The following XYLT1 variants were observed in gnomAD, a reference collection of about 807,000 sequenced individuals.
XYLT1 encodes the protein xylosyltransferase 1, also known as beta-D-xylosyltransferase 1.
A neutral mutation model predicts 91.3 loss-of-function variants in XYLT1; 36 were observed. That is an observed-to-expected ratio of 0.39 (90% CI 0.30 to 0.52). The LOEUF is 0.52. Among genes scored for constraint, XYLT1 ranks in the 20% least tolerant of loss-of-function variants. The pLI, the probability that XYLT1 is intolerant of heterozygous loss-of-function variation, is 0.68. For synonymous variants in XYLT1, 588 were observed against 532.0 expected, an observed-to-expected ratio of 1.11 and a Z score of -1.45; for missense variants, 1,242 against 1,284.5, an observed-to-expected ratio of 0.97 and a Z score of 0.51.
intron 1 of XYLT1, among the ~76,000 whole-genome samples, chr16:17,372,720 G>A (rs1342500043): frequency 6.6e-6 from 1 of 152,186 alleles, no homozygotes; most frequent in African/African-American, 2.4e-5. Flanking sequence ...GAGTCTCTGT[G>A]TACAAATGCC....
At chr16:17,200,845 G>T (rs897086341) in intron 3 of XYLT1, among the ~76,000 whole-genome samples, 191 bp from the exon 4 acceptor site, 6 of 152,176 alleles carry the variant, frequency 3.9e-5, no homozygotes, top group Non-Finnish European at 8.8e-5. Flanking sequence ...AAAGGGGTTA[G>T]GGGACCCTGG....
intron 1 of XYLT1, among the ~76,000 whole-genome samples, chr16:17,361,816 G>A (rs1411338595): frequency 6.6e-6 from 1 of 152,116 alleles, no homozygotes; most frequent in Non-Finnish European, 1.5e-5. Flanking sequence ...TCTTAACTTT[G>A]TCCTATGGGC....
Position 17,138,400 on chromosome 16 carries a change from G to T in XYLT1, c.1719C>A (p.Gly573=), listed in dbSNP as rs763895341. ...CQYKHIVDWC[G]CSPNDFKPQD... ...GCGGCTTGAAGTCATTGGGGGAGCA[G>T]CCGCACCAGTCCACGATGTGCTTGT... The change falls in exon 8 of 12, where the codon GGC becomes GGA. Residue 573 remains glycine (G), a synonymous_variant. Transcript: ENST00000261381. The T allele has an allele frequency of 1.9e-6, 3 of 1,614,108 alleles. No homozygotes were observed. The highest frequency in any genetic ancestry group is 2.2e-5 in the South Asian group (2 of 91,070).
At chr16:17,173,054 C>CAAAAA (rs1555485154) in intron 5 of XYLT1, among the ~76,000 whole-genome samples, 1 of 151,706 alleles carries the variant, frequency 6.6e-6, no homozygotes, top group African/African-American at 2.4e-5. Flanking sequence ...AACAAACAAA[C>CAAAAA]AAAAAAAACC....
intron 6 of XYLT1, among the ~76,000 whole-genome samples, chr16:17,150,298 T>C (rs570407470): frequency 1.3e-5 from 2 of 152,328 alleles, no homozygotes; most frequent in South Asian, 4.1e-4. Flanking sequence ...TCAATTGTTA[T>C]TCCTCTATCC....
chr16:17,288,421 C>G (rs1195437869), intron 2 of XYLT1, among the ~76,000 whole-genome samples: 1 of 152,054 alleles, frequency 6.6e-6, no homozygotes, highest in Non-Finnish European at 1.5e-5. Context: ...TACCTCCTAC[C>G]TGTCAGGGAT....
intron 2 of XYLT1, among the ~76,000 whole-genome samples, chr16:17,260,502 G>A (rs1027960903): frequency 5.9e-5 from 9 of 151,948 alleles, no homozygotes; most frequent in Admixed American, 5.2e-4. Context: ...GGCAATGGGC[G>A]GCATCCCTGC....
At chr16:17,368,783 T>C (rs2035488102) in intron 1 of XYLT1, among the ~76,000 whole-genome samples, 1 of 152,022 alleles carries the variant, frequency 6.6e-6, no homozygotes, top group Admixed American at 6.6e-5. Flanking sequence ...GGGGTCTTCC[T>C]ATGTTGCCCA....
At chr16:17,198,132 T>C in intron 5 of XYLT1, 80 bp downstream of exon 5, 1 of 1,478,432 alleles carries the variant, frequency 6.8e-7, no homozygotes, top group Non-Finnish European at 9.4e-7. Flanking sequence ...TCAGTCTCCT[T>C]CTGCCTCGTG....
chr16:17,337,775 CTTTTTCTTTTTTT>C (rs1053451386), intron 2 of XYLT1, among the ~76,000 whole-genome samples: 1 of 114,216 alleles, frequency 8.8e-6, no homozygotes, highest in African/African-American at 4.2e-5. Flanking sequence ...CACATTTTTT[CTTTTTCTTTTTTT>C]TTTTTTTTGT....
chr16:17,320,297 G>A (rs2034696127), intron 2 of XYLT1, among the ~76,000 whole-genome samples: 1 of 152,070 alleles, frequency 6.6e-6, no homozygotes, highest in South Asian at 2.1e-4. Context: ...GGCTTGATGA[G>A]GGGATGGGTG....
At chr16:17,258,949 C>G (rs973411888) in intron 3 of XYLT1, 39 bp downstream of exon 3, 1 of 1,476,544 alleles carries the variant, frequency 6.8e-7, no homozygotes, top group African/African-American at 1.4e-5. Context: ...AGGAAGTGGC[C>G]AGGAGATCCC....
Position 17,141,171 on chromosome 16 carries a change from G to A in XYLT1, c.1569C>T (p.Tyr523=), listed in dbSNP as rs777761378. The change falls in exon 7 of 12, where the codon TAC becomes TAT. Residue 523 remains tyrosine, a synonymous_variant. Coordinates refer to ENST00000261381, the MANE Select transcript of XYLT1 (RefSeq NM_022166.4). ...TACTCACCTCAGCAGGAAGCAGGGT[G>A]TAGGAGTAGAACTGTTTCATCTTGG... ...LVTKMKQFYS[Y]TLLPAESFFH... The A allele has an allele frequency of 1.4e-5, 23 of 1,614,094 alleles. No individual in the cohort carries two copies. Among genetic ancestry groups the A allele is most frequent in the African/African-American group, 2.7e-5 (2 of 74,938 alleles).
rs535030811 is a variant in XYLT1 at position 17,206,525 on chromosome 16, T to A, written c.914-5871A>T. ...AAGTCAATTTCTTTCCTTGGTCCTG[T>A]AGAATCTCAAAGACTAGTAACGCTA... On this transcript the variant is annotated intron_variant, in intron 3 of 11. Transcript: ENST00000261381. 1.4e-4 allele frequency among the ~76,000 whole-genome samples: 21 copies of A among 152,226 alleles called. No homozygotes were observed. The East Asian group carries it at 3.9e-3, about 28-fold the overall frequency.
At chr16:17,357,188 A>AC (rs2035311054) in intron 2 of XYLT1, among the ~76,000 whole-genome samples, 1 of 147,968 alleles carries the variant, frequency 6.8e-6, no homozygotes, top group Non-Finnish European at 1.5e-5. Flanking sequence ...AAAAAAAAAA[A>AC]AAAAAAAAAA....
chr16:17,155,448 A>C (rs960315486), intron 6 of XYLT1, among the ~76,000 whole-genome samples: 1 of 152,096 alleles, frequency 6.6e-6, no homozygotes, highest in African/African-American at 2.4e-5. Flanking sequence ...CTTTACCCTT[A>C]AGCTAGTTTG....
chr16:17,328,133 G>A (rs1025294184), intron 2 of XYLT1, among the ~76,000 whole-genome samples: 6 of 152,168 alleles, frequency 3.9e-5, no homozygotes, highest in African/African-American at 1.2e-4. Context: ...ATAGTAGGGA[G>A]AGACAGGTGC....
intron 1 of XYLT1, among the ~76,000 whole-genome samples, chr16:17,415,815 G>A (rs1030660211): frequency 1.3e-5 from 2 of 152,224 alleles, no homozygotes; most frequent in African/African-American, 4.8e-5. Context: ...TGTGCATGCA[G>A]TGTGTCAGAC....
chr16:17,322,698 C>G (rs150857059), intron 2 of XYLT1, among the ~76,000 whole-genome samples: 16 of 152,234 alleles, frequency 1.1e-4, no homozygotes, highest in African/African-American at 3.9e-4. Context: ...GGACACCCTC[C>G]TAGCCCTGCC....
Sources: gnomAD v4.1 joint callset for allele counts (sites outside exome capture counted in the v4.1 genomes callset) on GRCh38, gnomAD v4.1.1 for gene constraint, MANE v1.5 for transcripts, NCBI Gene and HGNC (gene_info 2026-07-23, HGNC 2026-07-21) for gene names.